Variants in NCAM1 observed in about 807,000 individuals in gnomAD.
The protein encoded by NCAM1 is neural cell adhesion molecule 1.
In NCAM1, 14 loss-of-function variants were observed where a neutral mutation model predicts 109.8. The ratio of observed to expected loss-of-function variants is 0.13; its 90% confidence interval spans 0.08 to 0.20. NCAM1 has a LOEUF of 0.20. NCAM1 is among the 10% of genes least tolerant of loss of function. NCAM1 has a pLI of 1.00. For synonymous variants in NCAM1, 418 were observed against 442.9 expected, an observed-to-expected ratio of 0.94 and a Z score of 0.70; for missense variants, 774 against 1,109.9, an observed-to-expected ratio of 0.70 and a Z score of 4.30.
intron 15 of NCAM1, among the ~76,000 whole-genome samples, chr11:113,248,121 A>G (rs552540752): frequency 1.3e-5 from 2 of 152,148 alleles, no homozygotes; most frequent in Non-Finnish European, 2.9e-5. Context: ...GATCTCTTCC[A>G]GACATTTTAA....
chr11:113,187,101 A>C (rs561295398), intron 1 of NCAM1, among the ~76,000 whole-genome samples: 56 of 152,334 alleles, frequency 3.7e-4, no homozygotes, highest in African/African-American at 1.2e-3. Context: ...AGGTAAGGAG[A>C]AGCCTCATAT....
At chr11:113,153,486 G>GTGTGTA (rs1353742017) in intron 1 of NCAM1, among the ~76,000 whole-genome samples, 3 of 152,038 alleles carry the variant, frequency 2.0e-5, no homozygotes, top group Non-Finnish European at 2.9e-5. Flanking sequence ...GTGTGTGTGT[G>GTGTGTA]TGTGTATGTG....
In NCAM1 at chr11:113,274,653, C is replaced by T. The variant is rs1473464211; in HGVS notation, c.2457-614C>T. ...CAGCTGCCCTCAACTCTCGCATAGC[C>T]ACCAGGCCCACTCTAGTACCCCACC... On this transcript the variant is annotated intron_variant, in intron 19 of 19. Transcript: ENST00000316851. This position sits in a 1 kb window ranked among gnomAD's most constrained non-coding sequence, Gnocchi z 4.1. Among the ~76,000 whole-genome samples, 1 of 152,206 alleles carries T rather than the reference C, an allele frequency of 6.6e-6. No individual in the cohort carries two copies. Among genetic ancestry groups the T allele is most frequent in the African/African-American group, 2.4e-5 (1 of 41,464 alleles).
At chr11:113,263,663 T>A in intron 17 of NCAM1, 5 of 985,588 alleles carry the variant, frequency 5.1e-6, no homozygotes, top group Non-Finnish European at 6.0e-6. Context: ...AAGGTGTTTG[T>A]CTCCCAATCG....
chr11:113,023,156 C>T (rs945633420), intron 1 of NCAM1, among the ~76,000 whole-genome samples: 2 of 152,158 alleles, frequency 1.3e-5, no homozygotes, highest in African/African-American at 2.4e-5. Flanking sequence ...AATATCAGAG[C>T]GGCACGAACT....
rs532372859 is a variant in NCAM1, at chr11:113,135,689, G to A, written c.53-66690G>A. 3.9e-5 allele frequency among the ~76,000 whole-genome samples: 6 copies of A among 152,268 alleles called. No homozygotes were observed. In the East Asian group the frequency reaches 1.2e-3, roughly 29 times the overall value. ...CTGCGTGGGAAATCAAGGACGTGCTGGACTATGCAACTGCCAGAGCCACCT... is the reference window on the plus strand; with the variant it reads ...CTGCGTGGGAAATCAAGGACGTGCTAGACTATGCAACTGCCAGAGCCACCT... On this transcript the variant is annotated intron_variant, in intron 1 of 19. Transcript: ENST00000316851.
chr11:113,080,217 T>C (rs190180689), intron 1 of NCAM1, among the ~76,000 whole-genome samples: 2 of 152,264 alleles, frequency 1.3e-5, no homozygotes, highest in African/African-American at 2.4e-5. Flanking sequence ...GAGTTAGTAA[T>C]ATAGGGTGTG....
In NCAM1 at chr11:113,270,499, T is replaced by C. The variant is rs2137766068; in HGVS notation, c.2339+104T>C. On this transcript the variant is annotated intron_variant, in intron 18 of 19. Coordinates refer to ENST00000316851, the MANE Select transcript of NCAM1 (RefSeq NM_181351.5). Reference sequence around the variant, plus strand: ...CCATCAGCTGGTGCCTTTCCTTTCATTGCACGTTCTCCATTTGGAACCCTG... The same window carrying C: ...CCATCAGCTGGTGCCTTTCCTTTCACTGCACGTTCTCCATTTGGAACCCTG... 2.8e-6 allele frequency: 3 copies of C among 1,074,168 alleles called. No homozygotes were observed. The East Asian group carries it at 7.6e-5, about 27-fold the overall frequency. 66.5% of individuals were successfully genotyped at this position (1,074,168 alleles called of 1,614,324 possible). A position where few individuals can be genotyped will look rare whatever the true frequency, so the allele number is the denominator to read the frequency against.
chr11:113,009,157 T>C (rs1951966535), intron 1 of NCAM1, among the ~76,000 whole-genome samples: 1 of 152,082 alleles, frequency 6.6e-6, no homozygotes, highest in African/African-American at 2.4e-5. Context: ...AATTCGTTTT[T>C]TTCTTTTTCA....
chr11:113,125,566 A>C (rs1053838323), intron 1 of NCAM1, among the ~76,000 whole-genome samples: 2 of 152,186 alleles, frequency 1.3e-5, no homozygotes, highest in Non-Finnish European at 2.9e-5. Flanking sequence ...TCAGCAGACA[A>C]AATTGTTCAG....
intron 1 of NCAM1, among the ~76,000 whole-genome samples, chr11:113,119,745 T>C (rs1413656078): frequency 1.3e-5 from 2 of 152,168 alleles, no homozygotes; most frequent in African/African-American, 4.8e-5. Flanking sequence ...TAAATGTCAA[T>C]GGGTTCAGCA....
At chr11:113,212,349 T>G (rs1322172641) in intron 7 of NCAM1, among the ~76,000 whole-genome samples, 1 of 152,226 alleles carries the variant, frequency 6.6e-6, no homozygotes, top group Non-Finnish European at 1.5e-5. Flanking sequence ...CATGTTTTAA[T>G]AAGAATATGG....
chr11:113,275,449 T>C lies in NCAM1; in HGVS notation c.*62T>C. The stretch of plus-strand genomic sequence containing the variant: ...GTGACACAGCAGCTTCACCAGAGCA[T>C]TTCCAACACCACAGACACACACACG... On this transcript the variant is annotated 3_prime_UTR_variant, in exon 20 of 20. Transcript: ENST00000316851. The C allele has an allele frequency of 6.4e-7, 1 of 1,568,190 alleles. No homozygotes were observed.
At chr11:113,258,105 A>G (rs1565534160) in intron 16 of NCAM1, among the ~76,000 whole-genome samples, 1 of 152,354 alleles carries the variant, frequency 6.6e-6, no homozygotes, top group African/African-American at 2.4e-5. Context: ...TGTCCAGGTG[A>G]CAGTGCTATT....
chr11:113,230,291 C>A (rs1944968731), intron 9 of NCAM1, among the ~76,000 whole-genome samples: 1 of 152,150 alleles, frequency 6.6e-6, no homozygotes, highest in Non-Finnish European at 1.5e-5. Context: ...TAGGTCAAAG[C>A]AGAGGATCAG....
At position 113,207,264 on chromosome 11, in the gene NCAM1, C is replaced by T; in HGVS notation, c.632C>T (p.Pro211Leu). ...ATGACACCCTTTTTTCCTTCAGTGC[C>T]ACCTACCATCCAGGCCAGGCAGAAT... ...FKDIQVIVNV[P>L]PTIQARQNIV... The change falls in exon 6 of 20, where the codon CCA becomes CTA. Residue 211 changes from proline (P) to leucine (L), a missense_variant. By Grantham distance (98) the Pro-to-Leu change is moderately conservative. Transcript: ENST00000316851. 1.2e-6 allele frequency: 2 copies of T among 1,613,664 alleles called. No individual in the cohort carries two copies. The highest frequency in any genetic ancestry group is 8.5e-7 in the Non-Finnish European group (1 of 1,179,670).
At chr11:113,229,667 A>T (rs1377928315) in intron 9 of NCAM1, among the ~76,000 whole-genome samples, 1 of 152,252 alleles carries the variant, frequency 6.6e-6, no homozygotes, top group African/African-American at 2.4e-5. Flanking sequence ...ACAATAGCAA[A>T]GACTTGGAAC....
At chr11:113,083,448 A>G (rs2135699980) in intron 1 of NCAM1, among the ~76,000 whole-genome samples, 1 of 152,296 alleles carries the variant, frequency 6.6e-6, no homozygotes, top group East Asian at 1.9e-4. Flanking sequence ...GTGCTGTTTC[A>G]TTGGGCTGAA....
intron 1 of NCAM1, among the ~76,000 whole-genome samples, chr11:113,166,120 C>T (rs113771057): frequency 2.0e-4 from 30 of 152,246 alleles, no homozygotes; most frequent in African/African-American, 6.3e-4. Flanking sequence ...CGTGAGCCAC[C>T]GCGCCCGGGC....
Sources: gnomAD v4.1 joint callset for allele counts (sites outside exome capture counted in the v4.1 genomes callset) on GRCh38, gnomAD v4.1.1 for gene constraint, Gnocchi (gnomAD v3.1) non-coding constraint, MANE v1.5 for transcripts, NCBI Gene and HGNC (gene_info 2026-07-23, HGNC 2026-07-21) for gene names.